The following STAG1 variants were observed in gnomAD, a reference collection of about 807,000 sequenced individuals.
STAG1 encodes the protein cohesin subunit SA-1.
A neutral mutation model predicts 170.9 loss-of-function variants in STAG1; 26 were observed. The observed-to-expected ratio is 0.15, with a 90% CI of 0.11 to 0.21. The LOEUF is 0.21. Among genes scored for constraint, STAG1 ranks in the 10% least tolerant of loss-of-function variants. The probability of loss-of-function intolerance (pLI) is 1.00; values close to 1 mark genes in which losing one functional copy is unlikely to be tolerated. For synonymous variants in STAG1, 514 were observed against 497.7 expected, an observed-to-expected ratio of 1.03 and a Z score of -0.44; for missense variants, 964 against 1,509.5, an observed-to-expected ratio of 0.64 and a Z score of 5.99.
intron 1 of STAG1, among the ~76,000 whole-genome samples, chr3:136,665,988 T>A (rs1199826490): frequency 7.4e-6 from 1 of 134,488 alleles, no homozygotes; most frequent in Non-Finnish European, 1.5e-5. Context: ...GGCAGGAGAA[T>A]GGCGTGAATC....
intron 5 of STAG1, among the ~76,000 whole-genome samples, chr3:136,558,543 T>C (rs1396395878): frequency 6.6e-6 from 1 of 152,192 alleles, no homozygotes; most frequent in Non-Finnish European, 1.5e-5. Context: ...TCAATAGTAC[T>C]CAAAGAAATA....
intron 15 of STAG1, 39 bp downstream of exon 15, chr3:136,443,248 A>C: frequency 1.4e-6 from 2 of 1,431,634 alleles, no homozygotes; most frequent in Non-Finnish European, 2.0e-6. Flanking sequence ...ATCAATGGAA[A>C]TACAAAATCA....
At chr3:136,700,572 A>G (rs1943026493) in intron 1 of STAG1, among the ~76,000 whole-genome samples, 1 of 152,026 alleles carries the variant, frequency 6.6e-6, no homozygotes, top group Admixed American at 6.6e-5. Flanking sequence ...GGTGCCCGCT[A>G]CCACGCCCGG....
intron 1 of STAG1, among the ~76,000 whole-genome samples, chr3:136,655,932 C>A (rs1941357117): frequency 6.6e-6 from 1 of 151,972 alleles, no homozygotes; most frequent in African/African-American, 2.4e-5. Context: ...GGTATGTAGT[C>A]CAAAGAACTG....
At chr3:136,542,050 G>T (rs1353913675) in intron 6 of STAG1, 69 bp downstream of exon 6, 2 of 1,161,442 alleles carry the variant, frequency 1.7e-6, no homozygotes, top group Non-Finnish European at 1.3e-6. Context: ...AACAAAACCT[G>T]AGATAATCAA....
intron 26 of STAG1, 135 bp downstream of exon 26, chr3:136,363,231 T>C (rs1420344260): frequency 1.3e-5 from 6 of 454,948 alleles, no homozygotes; most frequent in Non-Finnish European, 2.3e-5. Context: ...CCAGAAAATA[T>C]CCACAGTAAT....
chr3:136,630,013 T>TAGTGAA (rs1559919192), intron 2 of STAG1, among the ~76,000 whole-genome samples: 1 of 151,812 alleles, frequency 6.6e-6, no homozygotes. Flanking sequence ...CTGGCCAACA[T>TAGTGAA]AGTGAAACCC....
chr3:136,427,460 T>C (rs1205176650), intron 16 of STAG1, among the ~76,000 whole-genome samples: 1 of 152,166 alleles, frequency 6.6e-6, no homozygotes, highest in East Asian at 1.9e-4. Context: ...TCACTTACCA[T>C]GTTTAGTGCC....
At chr3:136,348,993 TCTTA>T in intron 29 of STAG1, 161 bp downstream of exon 29, 1 of 621,122 alleles carries the variant, frequency 1.6e-6, no homozygotes, top group Admixed American at 2.9e-5. Flanking sequence ...TGCTTTTCTG[TCTTA>T]CTTCATCTGT....
intron 4 of STAG1, among the ~76,000 whole-genome samples, chr3:136,574,084 AC>A (rs1433443465): frequency 6.6e-6 from 1 of 151,932 alleles, no homozygotes; most frequent in African/African-American, 2.4e-5. Flanking sequence ...TACTAAAAAT[AC>A]CAAAAATTAG....
chr3:136,590,486 C>G (rs570764153), intron 4 of STAG1, among the ~76,000 whole-genome samples: 73 of 150,298 alleles, frequency 4.9e-4, no homozygotes, highest in Non-Finnish European at 3.2e-4. Flanking sequence ...GAACAAGACT[C>G]TGTCTCAAAA....
rs531674685 is a variant in STAG1 at position 136,360,756 on chromosome 3, CCTCCTGGGTTCATGTCATT to C, written c.2788-1479_2788-1461del. Among the ~76,000 whole-genome samples, 11 of 152,206 alleles carry C rather than the reference CCTCCTGGGTTCATGTCATT, an allele frequency of 7.2e-5. No individual in the cohort carries two copies. In the South Asian group the frequency reaches 2.3e-3, roughly 32 times the overall value. ...TGATCTTGGCTCACTGCAAGCTCCA[CCTCCTGGGTTCATGTCATT>C]CTCCTGCCTCAGCCTCCTGAGTAGC... On this transcript the variant is annotated intron_variant, in intron 26 of 33. Transcript: ENST00000383202.
chr3:136,457,904 T>C (rs2089163189), intron 13 of STAG1, among the ~76,000 whole-genome samples: 1 of 152,024 alleles, frequency 6.6e-6, no homozygotes, highest in Admixed American at 6.6e-5. Flanking sequence ...GAGACCAGCC[T>C]GGGCAACATG....
At chr3:136,718,200 T>C (rs770328463) in intron 1 of STAG1, among the ~76,000 whole-genome samples, 25 of 152,146 alleles carry the variant, frequency 1.6e-4, no homozygotes, top group Non-Finnish European at 3.4e-4. Context: ...TTAGATGTGA[T>C]AATGGGAATA....
At chr3:136,563,845 C>T (rs1288772859) in intron 5 of STAG1, among the ~76,000 whole-genome samples, 5 of 151,946 alleles carry the variant, frequency 3.3e-5, no homozygotes, top group Admixed American at 2.0e-4. Context: ...ACGGTGAAAC[C>T]CCATCTCTAC....
At chr3:136,424,512 T>C (rs2088056529) in intron 16 of STAG1, among the ~76,000 whole-genome samples, 1 of 151,938 alleles carries the variant, frequency 6.6e-6, no homozygotes, top group African/African-American at 2.4e-5. Flanking sequence ...GTTTTGTATT[T>C]TTGGTAGAGA....
intron 6 of STAG1, among the ~76,000 whole-genome samples, chr3:136,531,522 G>A (rs1070227): frequency 0.74 from 109,212 of 146,692 alleles, 40,930 homozygotes; most frequent in East Asian, 0.86. Flanking sequence ...AATGTCCAAC[G>A]ATGATAGACT....
intron 6 of STAG1, among the ~76,000 whole-genome samples, chr3:136,530,370 T>G (rs989689406): frequency 6.6e-6 from 1 of 152,144 alleles, no homozygotes; most frequent in Middle Eastern, 3.2e-3. Context: ...CCAAATAGAC[T>G]TGACATTTAT....
chr3:136,501,369 G>T (rs1933460577), intron 8 of STAG1, among the ~76,000 whole-genome samples: 1 of 152,154 alleles, frequency 6.6e-6, no homozygotes, highest in East Asian at 1.9e-4. Context: ...ATTAGGAGAG[G>T]ACTGTGGCAG....
Sources: gnomAD v4.1 joint callset for allele counts (sites outside exome capture counted in the v4.1 genomes callset) on GRCh38, gnomAD v4.1.1 for gene constraint, MANE v1.5 for transcripts, NCBI Gene and HGNC (gene_info 2026-07-23, HGNC 2026-07-21) for gene names.